CRY1: variants seen among roughly 807,000 people sequenced by gnomAD.
CRY1 encodes cryptochrome circadian regulator 1.
Under a neutral mutation model 76.0 loss-of-function variants are expected in CRY1, and 45 were observed. That is an observed-to-expected ratio of 0.59 (90% CI 0.47 to 0.76). CRY1 has a LOEUF of 0.76. Ranked by LOEUF, CRY1 falls within the 30% of genes least tolerant of loss-of-function variation. The pLI is 0.00. For synonymous variants in CRY1, 248 were observed against 244.0 expected (o/e 1.02, Z -0.15); for missense variants, 587 against 716.4 (o/e 0.82, Z 2.06).
intron 1 of CRY1, among the ~76,000 whole-genome samples, chr12:107,076,507 G>A (rs774114334): frequency 1.1e-4 from 16 of 151,656 alleles, no homozygotes; most frequent in African/African-American, 3.6e-4. Flanking sequence ...CTAGCTACTC[G>A]GGAGGCTGAG....
At chr12:107,082,213 G>C (rs56243427) in intron 1 of CRY1, among the ~76,000 whole-genome samples, 20,904 of 151,948 alleles carry the variant, frequency 0.14, 2,568 homozygotes, top group African/African-American at 0.32. Flanking sequence ...AGTTCTCGGA[G>C]ACCTACAAAG....
intron 2 of CRY1, among the ~76,000 whole-genome samples, chr12:107,019,821 T>C (rs1952533905): frequency 6.6e-6 from 1 of 151,904 alleles, no homozygotes; most frequent in Non-Finnish European, 1.5e-5. Flanking sequence ...CTCGATCCTG[T>C]AGTCCTAGGA....
At position 106,992,979 on chromosome 12, in the gene CRY1, T is replaced by C; in HGVS notation, c.1643A>G (p.His548Arg). ...HYAHGDSQQT[H>R]LLKQGRSSMG... ...TTCATTCTTACCTTGCTTCAACAGG[T>C]GAGTTTGCTGACTGTCGCCATGAGC... Residue 548 changes from histidine (H) to arginine (R), a missense_variant, in exon 11 of 13, where the codon CAC becomes CGC. His to Arg is a conservative substitution (Grantham distance 29). Coordinates refer to ENST00000008527, the MANE Select transcript of CRY1 (RefSeq NM_004075.5). 1 of 1,613,976 alleles carries C rather than the reference T, an allele frequency of 6.2e-7. No individual in the cohort carries two copies. Among genetic ancestry groups the C allele is most frequent in the Non-Finnish European group, 8.5e-7 (1 of 1,179,894 alleles).
chr12:107,089,206 T>C (rs768124353), intron 1 of CRY1, among the ~76,000 whole-genome samples: 31 of 152,192 alleles, frequency 2.0e-4, no homozygotes, highest in Non-Finnish European at 4.1e-4. Flanking sequence ...TCTGTGAATG[T>C]TAGTGTATAA....
chr12:106,993,146 G>T, intron 10 of CRY1, 110 bp from the exon 11 acceptor site: 1 of 976,928 alleles, frequency 1.0e-6, no homozygotes, highest in Non-Finnish European at 1.5e-6. Context: ...TCATTTATAT[G>T]CTTTTAAGAC....
chr12:107,034,705 C>G (rs1952713982), intron 1 of CRY1, among the ~76,000 whole-genome samples: 1 of 152,070 alleles, frequency 6.6e-6, no homozygotes, highest in Non-Finnish European at 1.5e-5. Context: ...AAAGGATACT[C>G]AACCTGTAAC....
intron 1 of CRY1, among the ~76,000 whole-genome samples, chr12:107,037,206 T>G (rs535668271): frequency 4.6e-5 from 7 of 152,138 alleles, no homozygotes; most frequent in Non-Finnish European, 7.4e-5. Context: ...TCATGACTGT[T>G]TGAGGAACAA....
At chr12:107,037,405 G>A (rs577966847) in intron 1 of CRY1, among the ~76,000 whole-genome samples, 114 of 152,142 alleles carry the variant, frequency 7.5e-4, no homozygotes, top group African/African-American at 2.5e-3. Flanking sequence ...GGTGGTGCGC[G>A]CCTATAATCC....
At chr12:107,021,725 C>T (rs549776112) in intron 2 of CRY1, among the ~76,000 whole-genome samples, 14 of 151,254 alleles carry the variant, frequency 9.3e-5, no homozygotes, top group Non-Finnish European at 1.8e-4. Flanking sequence ...CACACACACA[C>T]AAAAATATAT....
intron 1 of CRY1, among the ~76,000 whole-genome samples, chr12:107,034,978 C>A (rs975624729): frequency 6.6e-6 from 1 of 152,098 alleles, no homozygotes; most frequent in African/African-American, 2.4e-5. Context: ...CTTTAGAAAT[C>A]ACTGCATTGT....
intron 1 of CRY1, among the ~76,000 whole-genome samples, chr12:107,085,009 A>T (rs1052516124): frequency 2.6e-5 from 4 of 151,938 alleles, no homozygotes; most frequent in South Asian, 2.1e-4. Flanking sequence ...TGGGTGAAGG[A>T]TATGAACAGA....
chr12:107,046,074 C>T lies in CRY1; in HGVS notation c.159-23882G>A, dbSNP rs182599872. Among the ~76,000 whole-genome samples the T allele has an allele frequency of 4.4e-4, 67 of 151,426 alleles. No individual in the cohort carries two copies. The East Asian group carries it at 0.01, about 23-fold the overall frequency. ...CCTAGGAGGCGGAGGTTGCAGTGAG[C>T]CGAGATTGCACCACTGCACTCCAGC... On this transcript the variant is annotated intron_variant, in intron 1 of 12. Transcript: ENST00000008527.
chr12:107,003,376 G>A (rs1204452445), intron 3 of CRY1, among the ~76,000 whole-genome samples: 1 of 152,158 alleles, frequency 6.6e-6, no homozygotes, highest in Non-Finnish European at 1.5e-5. Flanking sequence ...AAAAATGACA[G>A]GTGAAATCCA....
At chr12:107,040,918 T>C (rs1483244190) in intron 1 of CRY1, among the ~76,000 whole-genome samples, 1 of 149,082 alleles carries the variant, frequency 6.7e-6, no homozygotes, top group East Asian at 1.9e-4. Context: ...ATATAAACCT[T>C]TAAAAAAAAA....
At chr12:107,088,412 T>A (rs1025946078) in intron 1 of CRY1, among the ~76,000 whole-genome samples, 13 of 152,216 alleles carry the variant, frequency 8.5e-5, no homozygotes, top group Non-Finnish European at 1.6e-4. Context: ...CCTGCAAAAC[T>A]ATGAACCAAG....
At position 106,992,904 on chromosome 12, in the gene CRY1, A is replaced by T. The variant is rs747159927; in HGVS notation, c.1658-14T>A. ...TGGAGCTTCTTCCTGCACATTTAAA[A>T]AATGTATGTTTAAGATAGGAAAAGG... On this transcript the variant is annotated splice_polypyrimidine_tract_variant and intron_variant, in intron 11 of 12. Transcript: ENST00000008527. 1.9e-6 allele frequency: 3 copies of T among 1,613,822 alleles called. No individual in the cohort carries two copies. The African/African-American group carries it at 4.0e-5, about 22-fold the overall frequency.
chr12:107,066,328 A>T (rs1953110344), intron 1 of CRY1, among the ~76,000 whole-genome samples: 1 of 152,240 alleles, frequency 6.6e-6, no homozygotes, highest in Non-Finnish European at 1.5e-5. Flanking sequence ...AAAATGGTGT[A>T]CATAATATGA....
At chr12:107,037,558 G>T (rs1399889747) in intron 1 of CRY1, among the ~76,000 whole-genome samples, 1 of 151,998 alleles carries the variant, frequency 6.6e-6, no homozygotes, top group Admixed American at 6.6e-5. Context: ...ATGATGTTCA[G>T]GTTCTACTGG....
intron 2 of CRY1, among the ~76,000 whole-genome samples, chr12:107,010,244 T>C (rs1023982098): frequency 1.3e-5 from 2 of 152,200 alleles, no homozygotes; most frequent in African/African-American, 4.8e-5. Context: ...ATTCCTGATA[T>C]AGGTAACTTG....
Sources: gnomAD v4.1 joint callset for allele counts (sites outside exome capture counted in the v4.1 genomes callset) on GRCh38, gnomAD v4.1.1 for gene constraint, MANE v1.5 for transcripts, NCBI Gene and HGNC (gene_info 2026-07-23, HGNC 2026-07-21) for gene names.